OCA2: variants seen among roughly 807,000 people sequenced by gnomAD.
The protein encoded by OCA2 is OCA2 melanosomal transmembrane protein.
A neutral mutation model predicts 100.2 loss-of-function variants in OCA2; 77 were observed. That is an observed-to-expected ratio of 0.77 (90% CI 0.64 to 0.93). The LOEUF (loss-of-function observed/expected upper bound fraction) is 0.93. Among genes scored for constraint, OCA2 ranks in the 40% least tolerant of loss-of-function variants. OCA2 has a pLI of 0.00. For missense variants in OCA2, 1,062 were observed against 1,089.1 expected, an observed-to-expected ratio of 0.98 and a Z score of 0.35; for synonymous variants, 432 against 439.2, an observed-to-expected ratio of 0.98 and a Z score of 0.21.
intron 9 of OCA2, among the ~76,000 whole-genome samples, chr15:28,014,484 A>C (rs991931724): frequency 6.6e-6 from 1 of 152,216 alleles, no homozygotes; most frequent in Non-Finnish European, 1.5e-5. Flanking sequence ...TCAAGGTCAC[A>C]CTTGGAGTGA....
chr15:27,997,824 T>C, intron 9 of OCA2, among the ~76,000 whole-genome samples: 1 of 133,458 alleles, frequency 7.5e-6, no homozygotes, highest in African/African-American at 2.5e-5. Flanking sequence ...GGAATGTTCT[T>C]CCATTTGTTT....
At chr15:27,932,943 T>G (rs2039308087) in intron 18 of OCA2, among the ~76,000 whole-genome samples, 1 of 151,460 alleles carries the variant, frequency 6.6e-6, no homozygotes, top group African/African-American at 2.4e-5. Flanking sequence ...ATTCAAATGT[T>G]CAGTGTTCAA....
intron 23 of OCA2, among the ~76,000 whole-genome samples, chr15:27,825,417 T>G (rs1375536748): frequency 6.6e-6 from 1 of 152,076 alleles, no homozygotes; most frequent in Non-Finnish European, 1.5e-5. Flanking sequence ...GAAGGAACCT[T>G]AGGCAGGAGG....
the OCA2 span, among the ~76,000 whole-genome samples, chr15:27,749,367 C>T: frequency 6.6e-6 from 1 of 152,164 alleles, no homozygotes; most frequent in African/African-American, 2.4e-5. Context: ...TCCAGTAAGA[C>T]TTCCTTCAAG....
chr15:27,969,905 T>TAAAAAA (rs34786123), intron 14 of OCA2, among the ~76,000 whole-genome samples: 1 of 144,386 alleles, frequency 6.9e-6, no homozygotes, highest in African/African-American at 2.6e-5. Context: ...TGTGAAAATT[T>TAAAAAA]AAAAAAAAAA....
At chr15:27,727,238 T>G in the OCA2 span, among the ~76,000 whole-genome samples, 1 of 152,198 alleles carries the variant, frequency 6.6e-6, no homozygotes, top group Admixed American at 6.5e-5. Flanking sequence ...ACAGTCTCCT[T>G]GAGGATGAGA....
chr15:27,796,497 CAG>C (rs2033341644), intron 23 of OCA2, among the ~76,000 whole-genome samples: 1 of 152,224 alleles, frequency 6.6e-6, no homozygotes, highest in Non-Finnish European at 1.5e-5. Flanking sequence ...TGGTGTCCGC[CAG>C]AGAGTGTAAT....
chr15:27,759,944 T>C (rs573816742), intron 23 of OCA2, among the ~76,000 whole-genome samples: 2 of 152,152 alleles, frequency 1.3e-5, no homozygotes, highest in African/African-American at 4.8e-5. Flanking sequence ...AGACAGATCA[T>C]ATCCTGGACC....
chr15:27,729,682 GA>G, the OCA2 span, among the ~76,000 whole-genome samples: 32 of 152,182 alleles, frequency 2.1e-4, no homozygotes, highest in African/African-American at 6.5e-4. Flanking sequence ...CCTATGGCGG[GA>G]AAAAATCCTC....
In OCA2 at chr15:27,792,206, C is replaced by CTTTCT. The variant is rs112382822; in HGVS notation, c.2433-36739_2433-36735dup. 6.1e-3 allele frequency among the ~76,000 whole-genome samples: 934 copies of CTTTCT among 152,256 alleles called. 17 individuals carry two copies. Among genetic ancestry groups the CTTTCT allele is most frequent in the African/African-American group, 0.021 (871 of 41,530 alleles). On this transcript the variant is annotated intron_variant, in intron 23 of 23. Coordinates refer to ENST00000354638, the MANE Select transcript of OCA2 (RefSeq NM_000275.3). ...AGAGGAGGGACCATCTTCTCCTTTC[C>CTTTCT]TTTCTTTTCTTTTCTTTCTTTCTCT...
At chr15:27,919,921 G>T (rs753566696) in intron 19 of OCA2, among the ~76,000 whole-genome samples, 2 of 152,124 alleles carry the variant, frequency 1.3e-5, no homozygotes, top group African/African-American at 2.4e-5. Flanking sequence ...CCTCAATTTT[G>T]CTGTGAACCT....
intron 2 of OCA2, among the ~76,000 whole-genome samples, chr15:28,032,733 C>T (rs2042942752): frequency 6.9e-6 from 1 of 145,924 alleles, no homozygotes; most frequent in South Asian, 2.1e-4. Context: ...GCGGAGGTTG[C>T]AGTGAGCCGA....
intron 23 of OCA2, among the ~76,000 whole-genome samples, chr15:27,789,480 C>G (rs2032978806): frequency 6.6e-6 from 1 of 152,078 alleles, no homozygotes; most frequent in Non-Finnish European, 1.5e-5. Context: ...GATGAGAAGT[C>G]AGCTATTGTT....
chr15:28,090,792 G>A (rs981907088), intron 1 of OCA2, among the ~76,000 whole-genome samples: 1 of 151,708 alleles, frequency 6.6e-6, no homozygotes, highest in Non-Finnish European at 1.5e-5. Flanking sequence ...AAAAAGAAGA[G>A]GAAAATAAAC....
chr15:28,078,244 C>T (rs1214029538), intron 2 of OCA2, among the ~76,000 whole-genome samples: 1 of 152,218 alleles, frequency 6.6e-6, no homozygotes, highest in Non-Finnish European at 1.5e-5. Context: ...CTATAAAAGA[C>T]ACCAATCATC....
At chr15:27,989,510 A>T in intron 11 of OCA2, 91 bp downstream of exon 11, 1 of 1,028,224 alleles carries the variant, frequency 9.7e-7, no homozygotes, top group Non-Finnish European at 1.5e-6. Context: ...CTGTGTCTTT[A>T]ACATAATGAA....
intron 9 of OCA2, among the ~76,000 whole-genome samples, chr15:28,012,559 C>T (rs2042273780): frequency 6.6e-6 from 1 of 152,066 alleles, no homozygotes; most frequent in Admixed American, 6.5e-5. Context: ...TCGAACTGGC[C>T]TCTTAAATAT....
At chr15:28,037,191 G>A (rs1386904153) in intron 2 of OCA2, among the ~76,000 whole-genome samples, 1 of 151,682 alleles carries the variant, frequency 6.6e-6, no homozygotes, top group Non-Finnish European at 1.5e-5. Flanking sequence ...GGACCAGCCT[G>A]GGAGTGGGAC....
At chr15:27,798,641 G>GA (rs768783571) in intron 23 of OCA2, among the ~76,000 whole-genome samples, 3,379 of 139,138 alleles carry the variant, frequency 0.024, 43 homozygotes, top group Non-Finnish European at 0.032. Flanking sequence ...TTATTAATTT[G>GA]AAAAAAAAAA....
Sources: allele counts gnomAD v4.1 joint callset (sites outside exome capture counted in the v4.1 genomes callset), GRCh38; gene constraint gnomAD v4.1.1; transcripts MANE v1.5; gene names NCBI Gene and HGNC (gene_info 2026-07-23, HGNC 2026-07-21).